TUSC3: variants seen among roughly 807,000 people sequenced by gnomAD.
TUSC3 encodes the protein tumor suppressor candidate 3, also known as dolichyl-diphosphooligosaccharide--protein glycosyltransferase subunit TUSC3.
In TUSC3, 45 loss-of-function variants were observed where a neutral mutation model predicts 44.8. The ratio of observed to expected loss-of-function variants is 1.00; its 90% CI spans 0.79 to 1.29. The LOEUF is 1.29. Among genes scored for constraint, TUSC3 ranks in the 50% most tolerant of loss-of-function variants. The probability of loss-of-function intolerance (pLI) is 0.00; values close to 1 mark genes in which losing one functional copy is unlikely to be tolerated. For missense variants in TUSC3, 519 were observed against 437.9 expected (o/e 1.19, Z -1.65); for synonymous variants, 212 against 152.9 (o/e 1.39, Z -2.85).
chr8:15,660,915 A>C (rs527656013), intron 4 of TUSC3, among the ~76,000 whole-genome samples: 8 of 151,566 alleles, frequency 5.3e-5, no homozygotes, highest in African/African-American at 1.4e-4. Context: ...AAAAAAAAAA[A>C]AAAAAACCCA....
intron 5 of TUSC3, among the ~76,000 whole-genome samples, chr8:15,663,424 A>G (rs1212285385): frequency 6.6e-6 from 1 of 151,798 alleles, no homozygotes; most frequent in East Asian, 1.9e-4. Flanking sequence ...GTAGCCCTTC[A>G]TCCTTCCCAT....
At chr8:15,682,156 A>G (rs1249574061) in intron 6 of TUSC3, among the ~76,000 whole-genome samples, 3 of 152,138 alleles carry the variant, frequency 2.0e-5, no homozygotes, top group Admixed American at 6.5e-5. Flanking sequence ...TGTGTGGAGT[A>G]TTCTGTAGAT....
At chr8:15,717,411 T>C (rs1362321578) in intron 6 of TUSC3, among the ~76,000 whole-genome samples, 2 of 152,066 alleles carry the variant, frequency 1.3e-5, no homozygotes, top group Admixed American at 6.6e-5. Flanking sequence ...TACTGAAATA[T>C]GTGATTTTGT....
the TUSC3 span, among the ~76,000 whole-genome samples, chr8:15,788,850 G>A: frequency 1.3e-5 from 2 of 152,042 alleles, no homozygotes; most frequent in Non-Finnish European, 2.9e-5. Flanking sequence ...TAGTAATGAG[G>A]GCGAGGGGCT....
intron 1 of TUSC3, among the ~76,000 whole-genome samples, chr8:15,429,846 T>C (rs1045593244): frequency 6.6e-6 from 1 of 151,712 alleles, no homozygotes; most frequent in Non-Finnish European, 1.5e-5. Flanking sequence ...GAGAATACTA[T>C]AAACACCTCT....
At chr8:15,482,605 T>C (rs1477326444) in intron 1 of TUSC3, among the ~76,000 whole-genome samples, 1 of 152,212 alleles carries the variant, frequency 6.6e-6, no homozygotes, top group Non-Finnish European at 1.5e-5. Flanking sequence ...TAATGTTGTT[T>C]TCATGCCTGC....
At chr8:15,599,843 T>C (rs1315243052) in intron 1 of TUSC3, among the ~76,000 whole-genome samples, 1 of 151,566 alleles carries the variant, frequency 6.6e-6, no homozygotes, top group African/African-American at 2.4e-5. Context: ...AGGTTGGAGG[T>C]TGGGAAGTAT....
the TUSC3 span, among the ~76,000 whole-genome samples, chr8:15,775,843 C>G: frequency 6.7e-6 from 1 of 150,328 alleles, no homozygotes; most frequent in African/African-American, 2.4e-5. Flanking sequence ...TGAATGGATT[C>G]TTTTTCCTGT....
At chr8:15,697,838 A>G (rs989209722) in intron 6 of TUSC3, among the ~76,000 whole-genome samples, 1 of 152,238 alleles carries the variant, frequency 6.6e-6, no homozygotes, top group Non-Finnish European at 1.5e-5. Flanking sequence ...AGACTTAGCT[A>G]TATACAATGC....
At chr8:15,653,268 A>G (rs1170181930) in intron 3 of TUSC3, among the ~76,000 whole-genome samples, 1 of 152,178 alleles carries the variant, frequency 6.6e-6, no homozygotes, top group Non-Finnish European at 1.5e-5. Context: ...AGCTCTGTAG[A>G]AGAAATGTAG....
chr8:15,566,879 G>A (rs772673658), intron 1 of TUSC3, among the ~76,000 whole-genome samples: 3 of 151,996 alleles, frequency 2.0e-5, no homozygotes, highest in African/African-American at 7.2e-5. Context: ...GTTATCCTGC[G>A]GCTTCGGCCT....
At chr8:15,423,969 G>GTTTTTGTTTT (rs1563247134) in intron 1 of TUSC3, among the ~76,000 whole-genome samples, 1 of 70,394 alleles carries the variant, frequency 1.4e-5, no homozygotes, top group Non-Finnish European at 3.1e-5. Flanking sequence ...GTTTTGCTTT[G>GTTTTTGTTTT]TTTTTTTTTT....
chr8:15,422,104 C>T (rs531698158), intron 1 of TUSC3, among the ~76,000 whole-genome samples: 6 of 152,296 alleles, frequency 3.9e-5, no homozygotes, highest in African/African-American at 1.4e-4. Context: ...TACCCCCACT[C>T]TGCCCAAAAT....
the TUSC3 span, among the ~76,000 whole-genome samples, chr8:15,810,208 G>T: frequency 2.6e-5 from 4 of 152,126 alleles, no homozygotes; most frequent in Admixed American, 6.5e-5. Context: ...GTGGGGCTCA[G>T]AAATCCATGA....
chr8:15,519,733 C>T (rs1234691160), intron 2 of TUSC3, among the ~76,000 whole-genome samples: 1 of 152,170 alleles, frequency 6.6e-6, no homozygotes, highest in African/African-American at 2.4e-5. Context: ...TGCCAAAAAG[C>T]ACTGGATTAA....
intron 2 of TUSC3, among the ~76,000 whole-genome samples, chr8:15,533,868 G>T (rs1049155103): frequency 2.2e-4 from 33 of 152,166 alleles, no homozygotes; most frequent in African/African-American, 7.0e-4. Flanking sequence ...GAGGTTTCTT[G>T]GGGCTGGCAT....
intron 2 of TUSC3, among the ~76,000 whole-genome samples, chr8:15,509,080 A>C (rs1346739838): frequency 6.6e-6 from 1 of 152,188 alleles, no homozygotes; most frequent in African/African-American, 2.4e-5. Flanking sequence ...ATGAGAGAAG[A>C]AGCTGAGGGG....
chr8:15,808,242 A>C, the TUSC3 span, among the ~76,000 whole-genome samples: 1 of 152,138 alleles, frequency 6.6e-6, no homozygotes, highest in African/African-American at 2.4e-5. Context: ...GAAACTTAAG[A>C]ATTTTTCAAA....
chr8:15,762,205 G>A (rs1027720051), intron 10 of TUSC3, among the ~76,000 whole-genome samples: 1 of 151,464 alleles, frequency 6.6e-6, no homozygotes, highest in African/African-American at 2.4e-5. Flanking sequence ...AACAAATAAA[G>A]AAATTTTTAT....
Sources: allele counts gnomAD v4.1 joint callset (sites outside exome capture counted in the v4.1 genomes callset), GRCh38; gene constraint gnomAD v4.1.1; transcripts MANE v1.5; gene names NCBI Gene and HGNC (gene_info 2026-07-23, HGNC 2026-07-21).